The following ATF7IP2 variants were observed in gnomAD, a reference collection of about 807,000 sequenced individuals.
ATF7IP2 encodes the protein activating transcription factor 7-interacting protein 2.
A neutral mutation model predicts 64.2 loss-of-function variants in ATF7IP2; 42 were observed. The ratio of observed to expected loss-of-function variants is 0.65; its 90% CI spans 0.51 to 0.85. ATF7IP2 has a LOEUF of 0.85. Ranked by LOEUF, ATF7IP2 falls within the 40% of genes least tolerant of loss-of-function variation. ATF7IP2 has a pLI of 0.00. For missense variants in ATF7IP2, 933 were observed against 784.2 expected (o/e 1.19, Z -2.27); for synonymous variants, 308 against 272.8 (o/e 1.13, Z -1.27).
intron 9 of ATF7IP2, 89 bp downstream of exon 9, chr16:10,457,618 G>A: frequency 2.0e-6 from 2 of 978,464 alleles, no homozygotes; most frequent in Non-Finnish European, 2.9e-6. Context: ...TTGTAATATT[G>A]ATTATTCTTA....
intron 2 of ATF7IP2, among the ~76,000 whole-genome samples, chr16:10,417,229 T>G (rs2047896997): frequency 6.6e-6 from 1 of 152,096 alleles, no homozygotes; most frequent in Admixed American, 6.6e-5. Flanking sequence ...ACCTCTCATA[T>G]TAATATTAAC....
intron 7 of ATF7IP2, 57 bp downstream of exon 7, chr16:10,438,292 G>C: frequency 2.0e-6 from 3 of 1,529,318 alleles, no homozygotes; most frequent in Non-Finnish European, 2.6e-6. Context: ...TTGTTGCTCT[G>C]TTGCTCAGGC....
At chr16:10,427,325 T>G (rs1010105093) in intron 3 of ATF7IP2, among the ~76,000 whole-genome samples, 8 of 152,204 alleles carry the variant, frequency 5.3e-5, no homozygotes, top group African/African-American at 1.9e-4. Flanking sequence ...CAATGAGAGC[T>G]AATTCTTTAT....
At chr16:10,444,700 G>A (rs562702709) in intron 8 of ATF7IP2, among the ~76,000 whole-genome samples, 1 of 152,238 alleles carries the variant, frequency 6.6e-6, no homozygotes, top group South Asian at 2.1e-4. Flanking sequence ...TTAAAGTTTG[G>A]TTCATTTTTT....
intron 2 of ATF7IP2, among the ~76,000 whole-genome samples, chr16:10,414,969 A>T (rs2047842677): frequency 6.6e-6 from 1 of 152,210 alleles, no homozygotes; most frequent in Admixed American, 6.5e-5. Context: ...TGATGAAAGA[A>T]ATTGAAGAGG....
intron 1 of ATF7IP2, among the ~76,000 whole-genome samples, chr16:10,413,283 T>G (rs1395030782): frequency 6.6e-6 from 1 of 152,208 alleles, no homozygotes; most frequent in Non-Finnish European, 1.5e-5. Flanking sequence ...GGGACCAGTC[T>G]TTCTCATGCT....
chr16:10,410,645 G>T (rs973706386), intron 1 of ATF7IP2, among the ~76,000 whole-genome samples: 26 of 152,066 alleles, frequency 1.7e-4, no homozygotes, highest in African/African-American at 6.3e-4. Context: ...GATTGCTCTG[G>T]CTAGGAAGAG....
chr16:10,418,480 C>T (rs892072729), intron 2 of ATF7IP2, among the ~76,000 whole-genome samples: 2 of 152,200 alleles, frequency 1.3e-5, no homozygotes, highest in Admixed American at 1.3e-4. Flanking sequence ...CGGTGAGCTA[C>T]TTCTTGCAGG....
intron 8 of ATF7IP2, among the ~76,000 whole-genome samples, chr16:10,444,818 A>G (rs2048748089): frequency 6.6e-6 from 1 of 152,288 alleles, no homozygotes; most frequent in East Asian, 1.9e-4. Context: ...GAGTTCCATT[A>G]TCTGAATCAA....
At chr16:10,443,096 A>T (rs2141942711) in intron 8 of ATF7IP2, among the ~76,000 whole-genome samples, 1 of 152,306 alleles carries the variant, frequency 6.6e-6, no homozygotes, top group South Asian at 2.1e-4. Context: ...ATTAGAGCGC[A>T]AGTACTGCTC....
intron 5 of ATF7IP2, 34 bp downstream of exon 5, chr16:10,431,489 T>A: frequency 7.2e-7 from 1 of 1,383,436 alleles, no homozygotes; most frequent in Non-Finnish European, 9.9e-7. Context: ...TTAGAAAAAT[T>A]AAAATAGTCA....
At position 10,482,384 on chromosome 16, in the gene ATF7IP2, G is replaced by T; in HGVS notation, c.*135G>T. ...CTATTGGGACAGTCCTCTTCTATAT[G>T]TTTTAAGTGGCCAGTAATTTAATGA... On this transcript the variant is annotated 3_prime_UTR_variant, in exon 14 of 14. Transcript: ENST00000562102. The T allele has an allele frequency of 1.6e-6, 1 of 616,670 alleles. No individual in the cohort carries two copies. The highest frequency in any genetic ancestry group is 2.7e-6 in the Non-Finnish European group (1 of 367,562). 38.2% of individuals were successfully genotyped at this position (616,670 alleles called of 1,614,324 possible). A position where few individuals can be genotyped will look rare whatever the true frequency, so the allele number is the denominator to read the frequency against.
At position 10,438,196 on chromosome 16, in the gene ATF7IP2, G is replaced by C. The variant is rs755842671; in HGVS notation, c.1056G>C (p.Glu352Asp). The change falls in exon 7 of 14, where the codon GAG (glutamate) becomes GAC (aspartate). Residue 352 changes from glutamate (E) to aspartate (D), a missense_variant. By Grantham distance (45) the Glu-to-Asp change is conservative. Transcript: ENST00000562102. ...TGAACCAACGCATTGGGAAGACAGA[G>C]TGCAGAAATAAGCATGAAGGAATAG... ...KELNQRIGKT[E>D]CRNKHEGIAD... 1.9e-6 allele frequency: 3 copies of C among 1,604,444 alleles called. No homozygotes were observed. The South Asian group carries it at 3.4e-5, about 18-fold the overall frequency.
chr16:10,396,222 G>T (rs574634223), intron 1 of ATF7IP2, among the ~76,000 whole-genome samples: 1 of 152,112 alleles, frequency 6.6e-6, no homozygotes, highest in Non-Finnish European at 1.5e-5. Context: ...AATTAAATAA[G>T]TAAATAGATA....
At chr16:10,402,335 T>C (rs1023699401) in intron 1 of ATF7IP2, among the ~76,000 whole-genome samples, 7 of 152,166 alleles carry the variant, frequency 4.6e-5, no homozygotes, top group Non-Finnish European at 1.0e-4. Flanking sequence ...TTACAATGAC[T>C]CAGTGATAGT....
chr16:10,456,314 T>A (rs115914430), intron 8 of ATF7IP2, among the ~76,000 whole-genome samples: 1,570 of 152,270 alleles, frequency 0.01, 30 homozygotes, highest in African/African-American at 0.036. Flanking sequence ...AGGCTCACTA[T>A]CAGAAGAGTA....
intron 9 of ATF7IP2, chr16:10,471,812 TG>T (rs1410429132): frequency 7.0e-5 from 13 of 185,532 alleles, no homozygotes; most frequent in Non-Finnish European, 5.5e-5. Context: ...GGAATTTGTA[TG>T]TTTTATACAT....
intron 1 of ATF7IP2, among the ~76,000 whole-genome samples, chr16:10,407,240 C>T (rs2047660946): frequency 6.6e-6 from 1 of 152,250 alleles, no homozygotes; most frequent in Admixed American, 6.5e-5. Context: ...GTAATAAAAG[C>T]CGTATATGAC....
intron 3 of ATF7IP2, among the ~76,000 whole-genome samples, chr16:10,425,053 G>C (rs1423643095): frequency 1.4e-5 from 2 of 145,810 alleles, no homozygotes; most frequent in Non-Finnish European, 3.0e-5. Context: ...GTTTATATCA[G>C]ATTTTTTTTT....
Sources: allele counts gnomAD v4.1 joint callset (sites outside exome capture counted in the v4.1 genomes callset), GRCh38; gene constraint gnomAD v4.1.1; transcripts MANE v1.5; gene names NCBI Gene and HGNC (gene_info 2026-07-23, HGNC 2026-07-21).